HK2: variants seen among roughly 807,000 people sequenced by gnomAD.
HK2 encodes hexokinase-2.
A neutral mutation model predicts 92.9 loss-of-function variants in HK2; 42 were observed. The ratio of observed to expected loss-of-function variants is 0.45; its 90% CI spans 0.35 to 0.58. The LOEUF is 0.58. HK2 is among the 20% of genes least tolerant of loss of function. HK2 has a pLI of 0.00. For missense variants in HK2, 978 were observed against 1,245.1 expected (o/e 0.79, Z 3.23); for synonymous variants, 422 against 468.0 (o/e 0.90, Z 1.27).
chr2:74,866,256 T>G (rs1351036968), intron 2 of HK2, among the ~76,000 whole-genome samples: 1 of 152,068 alleles, frequency 6.6e-6, no homozygotes, highest in Non-Finnish European at 1.5e-5. Flanking sequence ...GGTTATTGAG[T>G]CAGAGCATCT....
At chr2:74,878,385 T>TA (rs1328465889) in intron 8 of HK2, among the ~76,000 whole-genome samples, 1 of 150,766 alleles carries the variant, frequency 6.6e-6, no homozygotes, top group Non-Finnish European at 1.5e-5. Context: ...GCATAAGAAA[T>TA]ACTTGTGTTT....
Position 74,880,385 on chromosome 2 carries a change from G to T in HK2, c.1386G>T (p.Arg462=). Residue 462 remains arginine (R), a synonymous_variant, in exon 10 of 18, where the codon CGG becomes CGT. Transcript: ENST00000290573. ...GAAMVTAVAY[R]LADQHRARQK... is the part of the protein sequence containing the mutation. Reference sequence around the variant, plus strand: ...CCATGGTGACAGCAGTGGCTTACCGGCTGGCCGATCAACACCGTGCCCGCC... The same window carrying T: ...CCATGGTGACAGCAGTGGCTTACCGTCTGGCCGATCAACACCGTGCCCGCC... 1 of 1,614,132 alleles carries T rather than the reference G, an allele frequency of 6.2e-7. No individual in the cohort carries two copies.
intron 3 of HK2, among the ~76,000 whole-genome samples, chr2:74,870,986 T>C (rs972947027): frequency 6.6e-6 from 1 of 152,186 alleles, no homozygotes; most frequent in Non-Finnish European, 1.5e-5. Context: ...GACCATACCC[T>C]AGGCATCAGG....
Position 74,891,898 on chromosome 2 carries a change from T to G in HK2, c.*957T>G, listed in dbSNP as rs1286864677. 2.0e-5 allele frequency: 3 copies of G among 152,656 alleles called. No homozygotes were observed. Among genetic ancestry groups the G allele is most frequent in the Non-Finnish European group, 4.4e-5 (3 of 68,034 alleles). The allele number at this position is 152,656 out of a possible 1,614,324, so 9.5% of individuals were successfully genotyped here. ...GTAGTTAAAGGGCAGAAGGGGAAGA[T>G]ACTGACTAGTCATAGAAATACCTCA... is the stretch of plus-strand genomic sequence containing the variant. On this transcript the variant is annotated 3_prime_UTR_variant, in exon 18 of 18. Coordinates refer to ENST00000290573, the MANE Select transcript of HK2 (RefSeq NM_000189.5).
chr2:74,839,659 AT>A (rs10675736), intron 1 of HK2, among the ~76,000 whole-genome samples: 3,514 of 143,086 alleles, frequency 0.025, 114 homozygotes, highest in African/African-American at 0.08. Flanking sequence ...GCCAAAGTCA[AT>A]TTTTTTTTTT....
chr2:74,841,901 T>C (rs1688323514), intron 1 of HK2, among the ~76,000 whole-genome samples: 1 of 152,066 alleles, frequency 6.6e-6, no homozygotes, highest in Non-Finnish European at 1.5e-5. Context: ...GCACTTGAGC[T>C]GGGGAGCAGA....
At chr2:74,844,253 TCAC>T in intron 1 of HK2, among the ~76,000 whole-genome samples, 1 of 152,324 alleles carries the variant, frequency 6.6e-6, no homozygotes, top group East Asian at 1.9e-4. Flanking sequence ...CAGCCCAAGC[TCAC>T]ATAGGATAAG....
chr2:74,868,488 G>A (rs185883904), intron 3 of HK2, among the ~76,000 whole-genome samples: 7 of 151,902 alleles, frequency 4.6e-5, no homozygotes, highest in East Asian at 1.9e-4. Context: ...GATAGTGTAC[G>A]GATTGTGGTG....
At chr2:74,842,479 G>A (rs1688336695) in intron 1 of HK2, among the ~76,000 whole-genome samples, 2 of 152,166 alleles carry the variant, frequency 1.3e-5, no homozygotes, top group Non-Finnish European at 2.9e-5. Context: ...CTGTACATAG[G>A]GAGAGACACA....
chr2:74,880,641 C>T, intron 10 of HK2, 72 bp downstream of exon 10: 1 of 1,449,748 alleles, frequency 6.9e-7, no homozygotes. Context: ...GGGAGGGATC[C>T]CTTAGCATTA....
At position 74,889,440 on chromosome 2, in the gene HK2, A is replaced by G. The variant is rs949422327; in HGVS notation, c.2571A>G (p.Thr857=). 1 of 1,613,638 alleles carries G rather than the reference A, an allele frequency of 6.2e-7. No homozygotes were observed. Among genetic ancestry groups the G allele is most frequent in the Non-Finnish European group, 8.5e-7 (1 of 1,179,786 alleles). Residue 857 remains threonine (T), a synonymous_variant, in exon 17 of 18, where the codon ACA becomes ACG. Transcript: ENST00000290573. ...ENRGLDALKV[T]VGVDGTLYKL... is the part of the protein sequence containing the mutation. ...GTGGGCTGGACGCTCTCAAAGTGAC[A>G]GTGGGTGTGGATGGGACCCTCTACA...
intron 1 of HK2, among the ~76,000 whole-genome samples, chr2:74,852,497 G>T (rs1213020721): frequency 6.6e-6 from 1 of 152,144 alleles, no homozygotes; most frequent in African/African-American, 2.4e-5. Context: ...CCTTGTTGGG[G>T]AGGCCCAGGC....
chr2:74,886,144 T>G, intron 13 of HK2, 150 bp from the exon 14 acceptor site: 1 of 730,554 alleles, frequency 1.4e-6, no homozygotes, highest in South Asian at 1.5e-5. Flanking sequence ...ACCAAAGAGG[T>G]GACATTTAAG....
At chr2:74,860,705 C>CA (rs984431940) in intron 2 of HK2, among the ~76,000 whole-genome samples, 1 of 152,182 alleles carries the variant, frequency 6.6e-6, no homozygotes, top group African/African-American at 2.4e-5. Flanking sequence ...AACATTATTG[C>CA]ACAAGCCCTT....
chr2:74,876,869 G>A (rs918600322), intron 7 of HK2, among the ~76,000 whole-genome samples: 1 of 152,138 alleles, frequency 6.6e-6, no homozygotes, highest in South Asian at 2.1e-4. Flanking sequence ...ACCACCCTAC[G>A]CATAACTTTA....
At chr2:74,890,129 T>C (rs987670045) in intron 17 of HK2, among the ~76,000 whole-genome samples, 2 of 152,192 alleles carry the variant, frequency 1.3e-5, no homozygotes, top group Non-Finnish European at 2.9e-5. Context: ...ATTGTACATA[T>C]AGTTTCATGA....
intron 1 of HK2, chr2:74,835,240 C>G (rs1362644256): frequency 6.0e-6 from 1 of 167,158 alleles, no homozygotes; most frequent in African/African-American, 2.4e-5. Context: ...CTGTGGCGCC[C>G]GGAACTGAGG....
At position 74,878,413 on chromosome 2, in the gene HK2, CTGTGTGTGTGTGTGTG is replaced by C. The variant is rs56015017; in HGVS notation, c.1032-264_1032-249del. Among the ~76,000 whole-genome samples, 10 of 149,918 alleles carry C rather than the reference CTGTGTGTGTGTGTGTG, an allele frequency of 6.7e-5. No homozygotes were observed. The South Asian group carries it at 2.1e-3, about 32-fold the overall frequency. ...TTGTGTTTCTCAACTCCGTGTGTCT[CTGTGTGTGTGTGTGTG>C]TGTGTGTGTGCGCACGCACATGCGT... On this transcript the variant is annotated intron_variant, in intron 8 of 17. Transcript: ENST00000290573.
intron 2 of HK2, among the ~76,000 whole-genome samples, chr2:74,859,280 T>C (rs931182470): frequency 2.0e-5 from 3 of 152,250 alleles, no homozygotes; most frequent in Non-Finnish European, 4.4e-5. Flanking sequence ...GCTGAAGTTT[T>C]AGGGTTCAGA....
Sources: allele counts gnomAD v4.1 joint callset (sites outside exome capture counted in the v4.1 genomes callset), GRCh38; gene constraint gnomAD v4.1.1; transcripts MANE v1.5; gene names NCBI Gene and HGNC (gene_info 2026-07-23, HGNC 2026-07-21).